Variants in LDAH observed in about 807,000 individuals in gnomAD.
The protein encoded by LDAH is lipid droplet-associated hydrolase.
Under a neutral mutation model 29.6 loss-of-function variants are expected in LDAH, and 26 were observed. The ratio of observed to expected loss-of-function variants is 0.88; its 90% CI spans 0.64 to 1.22. LDAH has a LOEUF of 1.22. LDAH is among the 50% of genes most tolerant of loss of function. The probability of loss-of-function intolerance (pLI) is 0.00; values close to 1 mark genes in which losing one functional copy is unlikely to be tolerated. For synonymous variants in LDAH, 117 were observed against 133.0 expected, an observed-to-expected ratio of 0.88 and a Z score of 0.83; for missense variants, 344 against 387.3, an observed-to-expected ratio of 0.89 and a Z score of 0.94.
chr2:20,820,246 T>C (rs1098153), intron 1 of LDAH, among the ~76,000 whole-genome samples: 23,820 of 151,294 alleles, frequency 0.16, 4,599 homozygotes, highest in African/African-American at 0.46. Flanking sequence ...ACTTTCTTCA[T>C]GGAATTGGAA....
At chr2:20,689,131 T>G (rs529470127) in intron 6 of LDAH, among the ~76,000 whole-genome samples, 1 of 152,196 alleles carries the variant, frequency 6.6e-6, no homozygotes, top group South Asian at 2.1e-4. Flanking sequence ...GAATGATGGT[T>G]TCCAGCTTCA....
At chr2:20,732,370 C>A (rs925472612) in intron 5 of LDAH, among the ~76,000 whole-genome samples, 1 of 151,902 alleles carries the variant, frequency 6.6e-6, no homozygotes, top group Non-Finnish European at 1.5e-5. Flanking sequence ...TTATTTTTCT[C>A]TGGTTTTGAT....
At chr2:20,782,925 A>G (rs951538754) in intron 3 of LDAH, among the ~76,000 whole-genome samples, 3 of 152,088 alleles carry the variant, frequency 2.0e-5, no homozygotes, top group Non-Finnish European at 2.9e-5. Context: ...TTAACTTTAT[A>G]TCTTCCTTCT....
chr2:20,786,571 T>C (rs997608603), intron 3 of LDAH, among the ~76,000 whole-genome samples: 6 of 152,148 alleles, frequency 3.9e-5, no homozygotes, highest in Admixed American at 2.0e-4. Context: ...TTTTCCTCCA[T>C]TGCCTTTGGT....
intron 5 of LDAH, among the ~76,000 whole-genome samples, chr2:20,733,435 C>T (rs904709118): frequency 3.0e-5 from 4 of 133,386 alleles, no homozygotes; most frequent in Non-Finnish European, 4.7e-5. Context: ...GATCTTACTT[C>T]GTCTCCCAGG....
chr2:20,760,163 T>A (rs1052503341), intron 4 of LDAH, among the ~76,000 whole-genome samples: 4 of 151,814 alleles, frequency 2.6e-5, no homozygotes, highest in Non-Finnish European at 5.9e-5. Flanking sequence ...AGACCAAAAG[T>A]CTAGGTAATT....
intron 6 of LDAH, among the ~76,000 whole-genome samples, chr2:20,700,234 A>T (rs1342138654): frequency 1.3e-5 from 2 of 152,122 alleles, no homozygotes; most frequent in Non-Finnish European, 2.9e-5. Context: ...AGGCCCCAGC[A>T]CTCTCCCTTC....
intron 3 of LDAH, among the ~76,000 whole-genome samples, chr2:20,786,343 C>T (rs184685320): frequency 6.6e-6 from 1 of 152,108 alleles, no homozygotes; most frequent in Admixed American, 6.5e-5. Context: ...GCTTGCACCA[C>T]CATGCCCGGC....
chr2:20,801,106 AC>A (rs922535560), intron 2 of LDAH, among the ~76,000 whole-genome samples: 72 of 152,102 alleles, frequency 4.7e-4, no homozygotes, highest in African/African-American at 1.7e-3. Flanking sequence ...ACACACACAC[AC>A]AACAGACAAC....
rs1409008911 is a variant in LDAH, at chr2:20,790,406, A to G, written c.155-8T>C. The G allele has an allele frequency of 1.9e-6, 3 of 1,611,752 alleles. No individual in the cohort carries two copies. Among genetic ancestry groups the G allele is most frequent in the Non-Finnish European group, 1.7e-6 (2 of 1,179,150 alleles). On this transcript the variant is annotated splice_polypyrimidine_tract_variant and splice_region_variant and intron_variant, in intron 2 of 6. Coordinates refer to ENST00000237822, the MANE Select transcript of LDAH (RefSeq NM_021925.4). ...CAGAAAAACCTGGGTTACCTAAGAAAAGAAACACAGACCTTAGATTAATCA... is the reference window on the plus strand; with the variant it reads ...CAGAAAAACCTGGGTTACCTAAGAAGAGAAACACAGACCTTAGATTAATCA...
chr2:20,735,944 T>C (rs1666743834), intron 5 of LDAH, among the ~76,000 whole-genome samples: 1 of 152,116 alleles, frequency 6.6e-6, no homozygotes, highest in Admixed American at 6.5e-5. Flanking sequence ...GTGGTGATGG[T>C]GGCCCCATTA....
intron 1 of LDAH, among the ~76,000 whole-genome samples, chr2:20,811,045 TCC>T (rs1476739714): frequency 3.7e-4 from 54 of 144,982 alleles, no homozygotes; most frequent in Non-Finnish European, 5.3e-4. Flanking sequence ...TGAGACGGAG[TCC>T]CGCTCTCTCG....
At position 20,686,467 on chromosome 2, in the gene LDAH, C is replaced by G. The variant is rs1469207686; in HGVS notation, c.*436G>C. 1 of 155,052 alleles carries G rather than the reference C, an allele frequency of 6.4e-6. No homozygotes were observed. The highest frequency in any genetic ancestry group is 1.4e-5 in the Non-Finnish European group (1 of 70,122). 9.6% of individuals were successfully genotyped at this position (155,052 alleles called of 1,614,324 possible). ...TCATAATCTCATACACTTCACATAT[C>G]TAACTATACTCTTAACATTCACTGA... On this transcript the variant is annotated 3_prime_UTR_variant, in exon 7 of 7. Transcript: ENST00000237822.
chr2:20,767,956 T>C (rs1161255505), intron 4 of LDAH, among the ~76,000 whole-genome samples: 1 of 152,014 alleles, frequency 6.6e-6, no homozygotes, highest in South Asian at 2.1e-4. Flanking sequence ...AGCTGCAGGA[T>C]GGGATGACCA....
intron 2 of LDAH, among the ~76,000 whole-genome samples, chr2:20,795,941 C>G (rs1344744264): frequency 8.9e-5 from 10 of 112,546 alleles, no homozygotes; most frequent in African/African-American, 2.5e-4. Context: ...TCCCCCGAAA[C>G]CTGCCACACA....
At chr2:20,774,764 A>C in intron 4 of LDAH, 46 bp downstream of exon 4, 1 of 1,562,342 alleles carries the variant, frequency 6.4e-7, no homozygotes, top group Non-Finnish European at 8.7e-7. Context: ...GGATTTGTGC[A>C]GGCACACAGT....
At chr2:20,716,051 G>T (rs556633045) in intron 5 of LDAH, among the ~76,000 whole-genome samples, 2 of 152,222 alleles carry the variant, frequency 1.3e-5, no homozygotes, top group South Asian at 4.1e-4. Context: ...TAGTTAGAAT[G>T]GCGATCATTA....
chr2:20,794,202 T>C (rs1372795532), intron 2 of LDAH, among the ~76,000 whole-genome samples: 1 of 152,060 alleles, frequency 6.6e-6, no homozygotes, highest in Non-Finnish European at 1.5e-5. Flanking sequence ...TATAAAACCA[T>C]CAGATTTCAT....
At position 20,687,091 on chromosome 2, in the gene LDAH, TA is replaced by T; in HGVS notation, c.789del (p.Thr264HisfsTer7). 6.2e-7 allele frequency: 1 copy of T among 1,602,560 alleles called. No homozygotes were observed. The highest frequency in any genetic ancestry group is 8.5e-7 in the Non-Finnish European group (1 of 1,175,030). ...DETIKEHLCK[L>X]TFYYGTIDPW... is the part of the protein sequence containing the mutation. ...GGATCTATAGTACCATAATAAAATG[TA>T]AGCTGAAAGACAAGACAAAAACCTT... On this transcript the variant is annotated frameshift_variant and splice_region_variant, in exon 7 of 7. Coordinates refer to ENST00000237822, the MANE Select transcript of LDAH (RefSeq NM_021925.4). LOFTEE classifies it high-confidence loss of function.
Sources: gnomAD v4.1 joint callset for allele counts (sites outside exome capture counted in the v4.1 genomes callset) on GRCh38, gnomAD v4.1.1 for gene constraint, MANE v1.5 for transcripts, NCBI Gene and HGNC (gene_info 2026-07-23, HGNC 2026-07-21) for gene names.